TMEM108: variants seen among roughly 807,000 people sequenced by gnomAD.
TMEM108 encodes transmembrane protein 108.
A neutral mutation model predicts 35.1 loss-of-function variants in TMEM108; 12 were observed. The observed-to-expected ratio is 0.34, with a 90% confidence interval of 0.22 to 0.55. TMEM108 has a LOEUF of 0.55. Among genes scored for constraint, TMEM108 ranks in the 20% least tolerant of loss-of-function variants. The probability of loss-of-function intolerance (pLI) is 0.89; values close to 1 mark genes in which losing one functional copy is unlikely to be tolerated. For synonymous variants in TMEM108, 287 were observed against 308.6 expected (o/e 0.93, Z 0.73); for missense variants, 680 against 753.3 (o/e 0.90, Z 1.14).
chr3:133,319,263 G>A (rs1276044306), intron 3 of TMEM108, among the ~76,000 whole-genome samples: 1 of 152,174 alleles, frequency 6.6e-6, no homozygotes, highest in Non-Finnish European at 1.5e-5. Context: ...TGTCCCGGTA[G>A]CCAATCACGA....
At chr3:133,286,686 G>A (rs1221977318) in intron 3 of TMEM108, among the ~76,000 whole-genome samples, 1 of 152,190 alleles carries the variant, frequency 6.6e-6, no homozygotes, top group Non-Finnish European at 1.5e-5. Context: ...TGATTTACAT[G>A]TTCCTACCTC....
At chr3:133,102,978 A>G (rs1466580081) in intron 2 of TMEM108, among the ~76,000 whole-genome samples, 1 of 152,218 alleles carries the variant, frequency 6.6e-6, no homozygotes, top group Non-Finnish European at 1.5e-5. Context: ...GAACACTTAA[A>G]CACTGTTGGT....
intron 3 of TMEM108, among the ~76,000 whole-genome samples, chr3:133,263,277 A>G (rs1488069428): frequency 6.6e-6 from 1 of 152,248 alleles, no homozygotes; most frequent in Non-Finnish European, 1.5e-5. Context: ...TGCATAAGCA[A>G]GTAGGTAGCA....
At chr3:133,347,957 G>T (rs1298632108) in intron 3 of TMEM108, among the ~76,000 whole-genome samples, 1 of 152,016 alleles carries the variant, frequency 6.6e-6, no homozygotes, top group Non-Finnish European at 1.5e-5. Flanking sequence ...ATATTGCCAG[G>T]ATTGCCCAAA....
chr3:133,113,006 C>T (rs977569041), intron 2 of TMEM108, among the ~76,000 whole-genome samples: 1 of 152,044 alleles, frequency 6.6e-6, no homozygotes, highest in African/African-American at 2.4e-5. Flanking sequence ...GGTTAAAGAA[C>T]ACGTAAGAAA....
chr3:133,389,083 A>C, intron 4 of TMEM108: 7 of 985,424 alleles, frequency 7.1e-6, no homozygotes, highest in Non-Finnish European at 8.4e-6. Context: ...TCCTCACTTC[A>C]TGGCTTCTCC....
At chr3:133,115,181 T>C (rs1281676219) in intron 2 of TMEM108, among the ~76,000 whole-genome samples, 1 of 152,240 alleles carries the variant, frequency 6.6e-6, no homozygotes, top group African/African-American at 2.4e-5. Flanking sequence ...ATTTAAGATA[T>C]ATTAAGTGTT....
At chr3:133,152,025 A>G (rs988178647) in intron 2 of TMEM108, among the ~76,000 whole-genome samples, 2 of 152,120 alleles carry the variant, frequency 1.3e-5, no homozygotes, top group Non-Finnish European at 2.9e-5. Context: ...GTGATGACGT[A>G]TTTATTTGTC....
At chr3:133,248,030 G>A (rs1047281904) in intron 3 of TMEM108, 1 of 152,168 alleles carries the variant, frequency 6.6e-6, no homozygotes, top group African/African-American at 2.4e-5. Flanking sequence ...ATAGGATACA[G>A]TAGGAAGCTA....
At chr3:133,072,509 T>A (rs2107690371) in intron 2 of TMEM108, among the ~76,000 whole-genome samples, 1 of 152,178 alleles carries the variant, frequency 6.6e-6, no homozygotes, top group Admixed American at 6.5e-5. Context: ...AACTCTTATG[T>A]CAGTTACCAC....
At chr3:133,188,898 GA>G (rs1233807378) in intron 2 of TMEM108, among the ~76,000 whole-genome samples, 3 of 152,132 alleles carry the variant, frequency 2.0e-5, no homozygotes, top group Non-Finnish European at 4.4e-5. Flanking sequence ...GCCATCTTCT[GA>G]AATCAGCATT....
At chr3:133,379,729 C>A in intron 3 of TMEM108, 23 bp from the exon 4 acceptor site, 1 of 1,605,402 alleles carries the variant, frequency 6.2e-7, no homozygotes, top group Non-Finnish European at 8.5e-7. Flanking sequence ...TATTTTACCT[C>A]TTCTCTCTGT....
chr3:133,245,382 T>C (rs756016106), intron 3 of TMEM108, among the ~76,000 whole-genome samples: 7 of 152,220 alleles, frequency 4.6e-5, no homozygotes, highest in Non-Finnish European at 1.0e-4. Flanking sequence ...CCTTGCGAAG[T>C]TCTTTGACCA....
intron 3 of TMEM108, among the ~76,000 whole-genome samples, chr3:133,325,508 C>A (rs144579874): frequency 1.6e-3 from 241 of 152,162 alleles, no homozygotes; most frequent in African/African-American, 5.4e-3. Context: ...TAAGAGACAA[C>A]AAATATCAAT....
chr3:133,083,029 A>G (rs749131862), intron 2 of TMEM108, among the ~76,000 whole-genome samples: 2 of 152,078 alleles, frequency 1.3e-5, no homozygotes, highest in Non-Finnish European at 2.9e-5. Context: ...AAAAGTTGCA[A>G]TTTTACAGTA....
At chr3:133,083,176 C>A (rs1943836080) in intron 2 of TMEM108, among the ~76,000 whole-genome samples, 2 of 130,588 alleles carry the variant, frequency 1.5e-5, no homozygotes. Flanking sequence ...GAAAGCCCCC[C>A]CCCACCCCCC....
rs550605012 is a variant in TMEM108 at position 133,331,492 on chromosome 3, A to T, written c.41-48260A>T. ...AACTAGACAAATGACTGTATTTCCT[A>T]AAACCAATGACAAACTATCCAGTGT... is the stretch of plus-strand genomic sequence containing the variant. On this transcript the variant is annotated intron_variant, in intron 3 of 5. Coordinates refer to ENST00000321871, the MANE Select transcript of TMEM108 (RefSeq NM_023943.4). 2.0e-5 allele frequency among the ~76,000 whole-genome samples: 3 copies of T among 152,338 alleles called. No homozygotes were observed. The South Asian group carries it at 6.2e-4, about 32-fold the overall frequency.
At chr3:133,091,850 CT>C (rs1943950246) in intron 2 of TMEM108, among the ~76,000 whole-genome samples, 1 of 141,942 alleles carries the variant, frequency 7.0e-6, no homozygotes, top group Non-Finnish European at 1.6e-5. Flanking sequence ...ATTTGAGAGA[CT>C]TCTTATAAAA....
chr3:133,100,944 A>G (rs1944079541), intron 2 of TMEM108, among the ~76,000 whole-genome samples: 1 of 152,172 alleles, frequency 6.6e-6, no homozygotes, highest in African/African-American at 2.4e-5. Flanking sequence ...TGTGTGTATA[A>G]TAACTGATTT....
Sources: gnomAD v4.1 joint callset for allele counts (sites outside exome capture counted in the v4.1 genomes callset) on GRCh38, gnomAD v4.1.1 for gene constraint, MANE v1.5 for transcripts, NCBI Gene and HGNC (gene_info 2026-07-23, HGNC 2026-07-21) for gene names.